Variants in LRRC49 observed in about 807,000 individuals in gnomAD.
LRRC49 encodes leucine rich repeat containing 49.
In LRRC49, 50 loss-of-function variants were observed where a neutral mutation model predicts 83.3. The observed-to-expected ratio is 0.60, with a 90% CI of 0.48 to 0.76. The LOEUF (loss-of-function observed/expected upper bound fraction) is 0.76. Among genes scored for constraint, LRRC49 ranks in the 30% least tolerant of loss-of-function variants. LRRC49 has a pLI of 0.00. For missense variants in LRRC49, 704 were observed against 809.1 expected (o/e 0.87, Z 1.58); for synonymous variants, 286 against 283.3 (o/e 1.01, Z -0.10).
chr15:70,994,165 A>G (rs2037997959), intron 11 of LRRC49, among the ~76,000 whole-genome samples: 2 of 152,150 alleles, frequency 1.3e-5, no homozygotes, highest in Non-Finnish European at 2.9e-5. Flanking sequence ...ATTTTTATAC[A>G]CAATGTTAGA....
intron 5 of LRRC49, among the ~76,000 whole-genome samples, chr15:70,909,879 A>ACACACACACACACACACAC (rs765588937): frequency 1.3e-5 from 1 of 76,940 alleles, no homozygotes. Flanking sequence ...CACACACACA[A>ACACACACACACACACACAC]AACAAACAAA....
At chr15:70,990,024 G>A (rs1044698857) in intron 11 of LRRC49, among the ~76,000 whole-genome samples, 2 of 152,220 alleles carry the variant, frequency 1.3e-5, no homozygotes, top group African/African-American at 4.8e-5. Flanking sequence ...GGCTGTGTGA[G>A]GTGTCATTCT....
chr15:70,963,136 C>A (rs2036665534), intron 8 of LRRC49, among the ~76,000 whole-genome samples: 1 of 151,632 alleles, frequency 6.6e-6, no homozygotes, highest in Admixed American at 6.6e-5. Flanking sequence ...ATTAGCCAGG[C>A]ATGATGGTAC....
chr15:71,001,142 CT>C (rs1176733666), intron 11 of LRRC49, among the ~76,000 whole-genome samples: 2 of 151,888 alleles, frequency 1.3e-5, no homozygotes, highest in African/African-American at 2.4e-5. Context: ...AACATTTGGC[CT>C]TTTTTATTTA....
chr15:70,974,769 A>G (rs1232359249), intron 9 of LRRC49, among the ~76,000 whole-genome samples: 2 of 152,118 alleles, frequency 1.3e-5, no homozygotes, highest in African/African-American at 4.8e-5. Context: ...TAGAGATCAC[A>G]TACAGCTCAC....
intron 1 of LRRC49, among the ~76,000 whole-genome samples, chr15:70,863,949 T>C (rs4777317): frequency 0.52 from 79,618 of 152,062 alleles, 22,130 homozygotes; most frequent in Admixed American, 0.69. Flanking sequence ...GCACCTTCTG[T>C]GCTGCTCATC....
chr15:70,892,816 T>A (rs1162555042), upstream of LRRC49: 6 of 1,613,684 alleles, frequency 3.7e-6, no homozygotes, highest in South Asian at 1.1e-5. Context: ...GGAGATGACC[T>A]CTTTCGGGTC....
chr15:70,969,151 A>C (rs576415492), intron 9 of LRRC49, among the ~76,000 whole-genome samples: 2 of 152,094 alleles, frequency 1.3e-5, no homozygotes, highest in Non-Finnish European at 2.9e-5. Context: ...TTTTGAATTA[A>C]TTTTTGTGTA....
chr15:70,854,163 G>T (rs1157612690), intron 1 of LRRC49: 4 of 1,094,344 alleles, frequency 3.7e-6, no homozygotes, highest in Non-Finnish European at 4.6e-6. Context: ...CGACTGCGAC[G>T]AGGGGGCGGG....
chr15:70,973,758 G>C (rs1193371128), intron 9 of LRRC49, among the ~76,000 whole-genome samples: 4 of 152,160 alleles, frequency 2.6e-5, no homozygotes, highest in Admixed American at 6.5e-5. Context: ...AATGTCAAAA[G>C]TACAGAATAT....
At chr15:70,859,039 A>G (rs2032721642) in intron 1 of LRRC49, 9 of 1,424,472 alleles carry the variant, frequency 6.3e-6, no homozygotes, top group Non-Finnish European at 6.9e-6. Context: ...TAGACAAGGT[A>G]TGGTTCCTGG....
chr15:70,946,699 T>C lies in LRRC49; in HGVS notation c.773+9877T>C, dbSNP rs573830886. On this transcript the variant is annotated intron_variant, in intron 8 of 15. Transcript: ENST00000260382. ...TTTATAATGATTGTACTAATTTATA[T>C]TGACAGCAACAATGTACAGGGTTTT... Among the ~76,000 whole-genome samples, 14 of 152,318 alleles carry C rather than the reference T, an allele frequency of 9.2e-5. No individual in the cohort carries two copies. In the South Asian group the frequency reaches 2.3e-3, roughly 25 times the overall value.
chr15:71,010,100 A>G (rs2038600633), intron 13 of LRRC49, 108 bp downstream of exon 13: 1 of 624,808 alleles, frequency 1.6e-6, no homozygotes, highest in Non-Finnish European at 2.4e-6. Flanking sequence ...CATTTGAGAT[A>G]TAATGGTTTT....
intron 9 of LRRC49, among the ~76,000 whole-genome samples, chr15:70,978,079 T>C (rs1003575811): frequency 1.3e-5 from 2 of 152,314 alleles, no homozygotes; most frequent in African/African-American, 4.8e-5. Context: ...TTCAGGAGCA[T>C]GTATAATGGC....
At chr15:70,898,591 T>TCATCAA in intron 3 of LRRC49, 1 of 515,676 alleles carries the variant, frequency 1.9e-6, no homozygotes. Context: ...ATCTTGAACA[T>TCATCAA]GGGTAATATG....
intron 6 of LRRC49, among the ~76,000 whole-genome samples, chr15:70,917,516 A>C (rs1323257133): frequency 2.0e-5 from 3 of 152,218 alleles, no homozygotes; most frequent in African/African-American, 7.2e-5. Context: ...TGGGATGACC[A>C]TCTGCAGAGA....
chr15:70,909,732 G>C (rs993704277), intron 5 of LRRC49, among the ~76,000 whole-genome samples: 3 of 151,876 alleles, frequency 2.0e-5, no homozygotes, highest in South Asian at 4.2e-4. Context: ...CCAGCTACTC[G>C]AGAGGCTGAG....
At chr15:70,994,416 G>A (rs10468046) in intron 11 of LRRC49, among the ~76,000 whole-genome samples, 116,280 of 152,034 alleles carry the variant, frequency 0.76, 45,819 homozygotes, top group East Asian at 0.85. Flanking sequence ...GGTTTCCACT[G>A]TTCTTTTCAA....
chr15:70,941,996 A>G (rs575102158), intron 8 of LRRC49, among the ~76,000 whole-genome samples: 1 of 151,418 alleles, frequency 6.6e-6, no homozygotes, highest in South Asian at 2.1e-4. Context: ...ATATTCTTCT[A>G]TAATTGTAAG....
Sources: gnomAD v4.1 joint callset for allele counts (sites outside exome capture counted in the v4.1 genomes callset) on GRCh38, gnomAD v4.1.1 for gene constraint, MANE v1.5 for transcripts, NCBI Gene and HGNC (gene_info 2026-07-23, HGNC 2026-07-21) for gene names.